The following OSBPL9 variants were observed in gnomAD, a reference collection of about 807,000 sequenced individuals.
OSBPL9 encodes oxysterol binding protein like 9.
A neutral mutation model predicts 106.6 loss-of-function variants in OSBPL9; 40 were observed. That is an observed-to-expected ratio of 0.38 (90% CI 0.29 to 0.49). OSBPL9 has a LOEUF of 0.49. Ranked by LOEUF, OSBPL9 falls within the 20% of genes least tolerant of loss-of-function variation. The probability of loss-of-function intolerance (pLI) is 0.97; values close to 1 mark genes in which losing one functional copy is unlikely to be tolerated. For synonymous variants in OSBPL9, 269 were observed against 295.4 expected, an observed-to-expected ratio of 0.91 and a Z score of 0.92; for missense variants, 609 against 887.2, an observed-to-expected ratio of 0.69 and a Z score of 3.98.
At chr1:51,602,646 A>G (rs1270333094) in intron 2 of OSBPL9, among the ~76,000 whole-genome samples, 1 of 150,800 alleles carries the variant, frequency 6.6e-6, no homozygotes, top group Non-Finnish European at 1.5e-5. Context: ...ATGTCTCACT[A>G]TATTGCCCTA....
chr1:51,721,296 A>G (rs775237391), intron 4 of OSBPL9, among the ~76,000 whole-genome samples: 10 of 152,076 alleles, frequency 6.6e-5, no homozygotes, highest in Non-Finnish European at 1.3e-4. Context: ...AATACCATTG[A>G]GTCTGTGAGT....
intron 1 of OSBPL9, 98 bp from the exon 2 acceptor site, chr1:51,651,893 A>G (rs1646541383): frequency 3.4e-6 from 3 of 883,510 alleles, no homozygotes; most frequent in South Asian, 1.5e-5. Flanking sequence ...AGGGATGGGT[A>G]TTACTGTAAA....
At chr1:51,574,214 T>C (rs773089179), upstream of OSBPL9, among the ~76,000 whole-genome samples, 2 of 152,232 alleles carry the variant, frequency 1.3e-5, no homozygotes, top group Non-Finnish European at 2.9e-5. Flanking sequence ...TGTATTATCA[T>C]GTGGAGTGGC....
chr1:51,559,022 A>G, the OSBPL9 span, among the ~76,000 whole-genome samples: 2 of 152,286 alleles, frequency 1.3e-5, no homozygotes, highest in East Asian at 1.9e-4. Flanking sequence ...TCCACCAAAG[A>G]AAAAAAGGTA....
intron 1 of OSBPL9, among the ~76,000 whole-genome samples, chr1:51,585,504 G>A (rs1443995092): frequency 1.3e-5 from 2 of 152,164 alleles, no homozygotes; most frequent in East Asian, 1.9e-4. Context: ...TCAGCCAGGC[G>A]CAGTGGCTCA....
the OSBPL9 span, among the ~76,000 whole-genome samples, chr1:51,556,827 G>GTA: frequency 1.3e-4 from 20 of 148,384 alleles, no homozygotes; most frequent in South Asian, 3.6e-3. Context: ...ATATATATGT[G>GTA]TATATATATA....
chr1:51,617,803 G>T (rs1644158917), intron 1 of OSBPL9, among the ~76,000 whole-genome samples: 2 of 152,106 alleles, frequency 1.3e-5, no homozygotes, highest in South Asian at 4.1e-4. Context: ...CTATTTAGCG[G>T]GAGGCGAGCT....
chr1:51,530,043 C>CCTGTAGTCCCA, the OSBPL9 span, among the ~76,000 whole-genome samples: 1 of 150,420 alleles, frequency 6.6e-6, no homozygotes, highest in South Asian at 2.1e-4. Flanking sequence ...TGGTGGCGGG[C>CCTGTAGTCCCA]GCCTGTAGTC....
intron 3 of OSBPL9, among the ~76,000 whole-genome samples, chr1:51,692,710 T>A (rs1316597521): frequency 6.9e-6 from 1 of 145,302 alleles, no homozygotes; most frequent in Non-Finnish European, 1.5e-5. Flanking sequence ...TCACTCAGGC[T>A]GGAGTACAGT....
At chr1:51,722,756 G>A (rs565333606) in intron 4 of OSBPL9, among the ~76,000 whole-genome samples, 89 of 152,292 alleles carry the variant, frequency 5.8e-4, no homozygotes, top group African/African-American at 1.8e-3. Flanking sequence ...TGCTTCTACC[G>A]TATACATGCT....
chr1:51,788,104 G>C lies in OSBPL9; in HGVS notation c.*315G>C. 3 of 334,800 alleles carry C rather than the reference G, an allele frequency of 9.0e-6. No homozygotes were observed. The highest frequency in any genetic ancestry group is 1.7e-5 in the Non-Finnish European group (3 of 179,180). The allele number at this position is 334,800 out of a possible 1,614,324, so 20.7% of individuals were successfully genotyped here. On this transcript the variant is annotated 3_prime_UTR_variant, in exon 24 of 24. Coordinates refer to ENST00000428468, the MANE Select transcript of OSBPL9 (RefSeq NM_024586.6). ...TCCAAGTCTGAAACTCTGCGCTCTA[G>C]TACTGCTGTTAAGATACACAACTTG...
intron 3 of OSBPL9, chr1:51,709,446 C>T (rs1659344079): frequency 6.2e-6 from 1 of 160,800 alleles, no homozygotes; most frequent in African/African-American, 2.4e-5. Context: ...GGCCATCTCC[C>T]TGTGCTTCTT....
chr1:51,780,733 C>T (rs1676181696), intron 15 of OSBPL9, among the ~76,000 whole-genome samples: 1 of 152,176 alleles, frequency 6.6e-6, no homozygotes, highest in South Asian at 2.1e-4. Flanking sequence ...CCACTGCACT[C>T]CAGCCTGGGT....
rs1179108621 is a variant in OSBPL9, at chr1:51,760,831, G to C, written c.673+51G>C. ...TTCATTGATGAGAAAAAAATAATTT[G>C]TGTGGCTGTCATAGCAGTCTTAGCT... On this transcript the variant is annotated intron_variant, in intron 10 of 23. Transcript: ENST00000428468. The C allele has an allele frequency of 6.9e-6, 11 of 1,588,908 alleles. No homozygotes were observed. In the African/African-American group the frequency reaches 8.1e-5, roughly 12 times the overall value.
chr1:51,619,608 A>T (rs1046319988), intron 1 of OSBPL9, among the ~76,000 whole-genome samples: 1 of 152,208 alleles, frequency 6.6e-6, no homozygotes, highest in Non-Finnish European at 1.5e-5. Context: ...GTATTTGCTT[A>T]CAGAGAAACA....
upstream of OSBPL9, among the ~76,000 whole-genome samples, chr1:51,613,888 T>C (rs1424123981): frequency 6.6e-6 from 1 of 152,080 alleles, no homozygotes. Flanking sequence ...ACTACAGGCA[T>C]GAGCCACCAC....
chr1:51,707,789 G>C (rs1167846454), intron 3 of OSBPL9: 1 of 172,554 alleles, frequency 5.8e-6, no homozygotes, highest in Admixed American at 6.2e-5. Context: ...CAGAGATGAA[G>C]ACCCTTTTGG....
At chr1:51,711,831 C>G (rs1035326386) in intron 3 of OSBPL9, among the ~76,000 whole-genome samples, 2 of 149,792 alleles carry the variant, frequency 1.3e-5, no homozygotes, top group South Asian at 4.2e-4. Context: ...GGGGCAGAGA[C>G]GCTCCTCACT....
chr1:51,540,557 G>C, the OSBPL9 span, among the ~76,000 whole-genome samples: 1 of 152,046 alleles, frequency 6.6e-6, no homozygotes, highest in East Asian at 1.9e-4. Context: ...AGGAGGCTGA[G>C]GCAGGAGAAT....
Sources: gnomAD v4.1 joint callset for allele counts (sites outside exome capture counted in the v4.1 genomes callset) on GRCh38, gnomAD v4.1.1 for gene constraint, MANE v1.5 for transcripts, NCBI Gene and HGNC (gene_info 2026-07-23, HGNC 2026-07-21) for gene names.